BABAM2: variants seen among roughly 807,000 people sequenced by gnomAD.
BABAM2 encodes the protein BRISC and BRCA1-A complex member 2.
BABAM2 carries 31 observed loss-of-function variants against 54.7 expected under a neutral mutation model. That is an observed-to-expected ratio of 0.57 (90% confidence interval 0.43 to 0.77). The LOEUF (loss-of-function observed/expected upper bound fraction) is 0.77. Among genes scored for constraint, BABAM2 ranks in the 30% least tolerant of loss-of-function variants. The probability of loss-of-function intolerance (pLI) is 0.00; values close to 1 mark genes in which losing one functional copy is unlikely to be tolerated. For synonymous variants in BABAM2, 167 were observed against 162.9 expected (o/e 1.03, Z -0.19); for missense variants, 364 against 455.8 (o/e 0.80, Z 1.83).
chr2:27,942,392 G>A (rs1187589636), intron 3 of BABAM2, among the ~76,000 whole-genome samples: 2 of 151,848 alleles, frequency 1.3e-5, no homozygotes, highest in African/African-American at 2.4e-5. Flanking sequence ...ACAGGGTCTC[G>A]CCATGTCACC....
chr2:28,016,307 AC>A, intron 4 of BABAM2: 1 of 1,037,408 alleles, frequency 9.6e-7, no homozygotes, highest in South Asian at 1.3e-5. Flanking sequence ...TTCACATTCA[AC>A]CAAACTCTTG....
chr2:28,006,366 G>A (rs1015207173), intron 4 of BABAM2, among the ~76,000 whole-genome samples: 4 of 151,902 alleles, frequency 2.6e-5, no homozygotes, highest in Non-Finnish European at 5.9e-5. Context: ...CTGAAATAAG[G>A]ACTATGTGCT....
chr2:28,211,841 T>C (rs1160865301), intron 7 of BABAM2, among the ~76,000 whole-genome samples: 1 of 152,234 alleles, frequency 6.6e-6, no homozygotes, highest in African/African-American at 2.4e-5. Context: ...ACTGATATTA[T>C]ATATAACAAA....
intron 10 of BABAM2, among the ~76,000 whole-genome samples, chr2:28,257,685 A>T (rs1415728804): frequency 6.6e-6 from 1 of 152,122 alleles, no homozygotes; most frequent in Non-Finnish European, 1.5e-5. Flanking sequence ...GGAGTTCAAG[A>T]CCAGCCTGAG....
At chr2:28,082,286 A>T (rs540972140) in intron 6 of BABAM2, among the ~76,000 whole-genome samples, 1 of 152,208 alleles carries the variant, frequency 6.6e-6, no homozygotes, top group Admixed American at 6.5e-5. Context: ...GTTTTGTGGT[A>T]TTGGTTGTCT....
chr2:28,292,902 GGTACGCAACCACAGCT>G (rs1239357477), intron 10 of BABAM2, among the ~76,000 whole-genome samples: 1 of 152,162 alleles, frequency 6.6e-6, no homozygotes, highest in African/African-American at 2.4e-5. Context: ...ATGGCTGTTA[GGTACGCAACCACAGCT>G]GTCCGCCACC....
At chr2:28,274,284 C>T (rs1292648766) in intron 10 of BABAM2, among the ~76,000 whole-genome samples, 5 of 152,190 alleles carry the variant, frequency 3.3e-5, no homozygotes, top group Non-Finnish European at 7.3e-5. Flanking sequence ...ACTGTCTAAC[C>T]GAGCACTCCC....
At chr2:28,211,635 C>A (rs1347526264) in intron 7 of BABAM2, among the ~76,000 whole-genome samples, 1 of 152,022 alleles carries the variant, frequency 6.6e-6, no homozygotes, top group Non-Finnish European at 1.5e-5. Context: ...GTGATCCACT[C>A]ATCTTGGCCT....
chr2:28,188,106 A>C (rs1269087596), intron 7 of BABAM2, among the ~76,000 whole-genome samples: 1 of 152,220 alleles, frequency 6.6e-6, no homozygotes. Context: ...TCTGTAGACT[A>C]GGTAGCCTCT....
At chr2:28,190,908 T>G (rs1676837108) in intron 7 of BABAM2, among the ~76,000 whole-genome samples, 1 of 152,186 alleles carries the variant, frequency 6.6e-6, no homozygotes, top group African/African-American at 2.4e-5. Flanking sequence ...AGCAAAAATT[T>G]CTTAAGTATG....
At chr2:27,944,936 G>A (rs1200210951) in intron 3 of BABAM2, among the ~76,000 whole-genome samples, 2 of 150,972 alleles carry the variant, frequency 1.3e-5, no homozygotes, top group Non-Finnish European at 3.0e-5. Flanking sequence ...TGGTATTGTT[G>A]ATCCATTTTG....
chr2:28,156,828 C>T (rs114282680), intron 7 of BABAM2, among the ~76,000 whole-genome samples: 1,928 of 152,106 alleles, frequency 0.013, 38 homozygotes, highest in African/African-American at 0.045. Context: ...AATGAATATA[C>T]GTAGTCTAGG....
At chr2:27,889,949 C>T, upstream of BABAM2, 1 of 297,982 alleles carries the variant, frequency 3.4e-6, no homozygotes, top group Non-Finnish European at 6.2e-6. Flanking sequence ...GGCTCAGCAG[C>T]CGGGCCAAGA....
chr2:28,227,193 T>A (rs1429295339), intron 7 of BABAM2, among the ~76,000 whole-genome samples: 2 of 152,186 alleles, frequency 1.3e-5, no homozygotes, highest in African/African-American at 4.8e-5. Context: ...CAGAACTTTT[T>A]ATTTTTTTAA....
intron 10 of BABAM2, among the ~76,000 whole-genome samples, chr2:28,255,151 T>G (rs1282074139): frequency 7.7e-6 from 1 of 129,986 alleles, no homozygotes; most frequent in African/African-American, 2.6e-5. Context: ...CAAACGTGGG[T>G]TTTTTTTAGC....
intron 7 of BABAM2, among the ~76,000 whole-genome samples, chr2:28,189,630 G>A (rs2147914427): frequency 6.6e-6 from 1 of 152,184 alleles, no homozygotes; most frequent in South Asian, 2.1e-4. Context: ...AATTAAAGAA[G>A]ACCTAAATAA....
At chr2:28,269,435 A>T (rs2148157437) in intron 10 of BABAM2, among the ~76,000 whole-genome samples, 2 of 152,334 alleles carry the variant, frequency 1.3e-5, no homozygotes, top group South Asian at 4.1e-4. Flanking sequence ...CAATCTGTCC[A>T]ACCATGGATA....
chr2:28,150,312 G>T (rs368622501), intron 7 of BABAM2, among the ~76,000 whole-genome samples: 1 of 152,188 alleles, frequency 6.6e-6, no homozygotes, highest in African/African-American at 2.4e-5. Context: ...TCTATCTGCT[G>T]TCCCACATGG....
intron 7 of BABAM2, among the ~76,000 whole-genome samples, chr2:28,166,497 C>G (rs924309319): frequency 1.3e-5 from 2 of 152,180 alleles, no homozygotes; most frequent in African/African-American, 2.4e-5. Context: ...GACCGCTTCA[C>G]TTTGGTGTGT....
Sources: gnomAD v4.1 joint callset for allele counts (sites outside exome capture counted in the v4.1 genomes callset) on GRCh38, gnomAD v4.1.1 for gene constraint, MANE v1.5 for transcripts, NCBI Gene and HGNC (gene_info 2026-07-23, HGNC 2026-07-21) for gene names.